The following SNX30 variants were observed in gnomAD, a reference collection of about 807,000 sequenced individuals.
SNX30 encodes the protein sorting nexin family member 30, also known as sorting nexin-30.
In SNX30, 24 loss-of-function variants were observed where a neutral mutation model predicts 46.4. That is an observed-to-expected ratio of 0.52 (90% confidence interval 0.37 to 0.73). The LOEUF (loss-of-function observed/expected upper bound fraction) is 0.73, where lower values mean the gene tolerates loss of function less well. Ranked by LOEUF, SNX30 falls within the 30% of genes least tolerant of loss-of-function variation. The pLI, the probability that SNX30 is intolerant of heterozygous loss-of-function variation, is 0.00. For synonymous variants in SNX30, 189 were observed against 211.5 expected (o/e 0.89, Z 0.92); for missense variants, 533 against 555.7 (o/e 0.96, Z 0.41).
intron 6 of SNX30, among the ~76,000 whole-genome samples, chr9:112,839,713 CCTCCTGCTT>C (rs1259265879): frequency 6.6e-6 from 1 of 152,120 alleles, no homozygotes; most frequent in African/African-American, 2.4e-5. Context: ...TAAATAGCAC[CCTCCTGCTT>C]CTCAAAGGAG....
chr9:112,838,829 G>A, intron 6 of SNX30, 132 bp downstream of exon 6: 1 of 749,244 alleles, frequency 1.3e-6, no homozygotes, highest in Non-Finnish European at 2.2e-6. Flanking sequence ...CAGACACGTG[G>A]ACTGACATCA....
rs1438217768 is a variant in SNX30, at chr9:112,838,717, G to T, written c.1014+20G>T. 1 of 1,607,888 alleles carries T rather than the reference G, an allele frequency of 6.2e-7. No individual in the cohort carries two copies. The highest frequency in any genetic ancestry group is 1.3e-5 in the African/African-American group (1 of 74,792). On this transcript the variant is annotated intron_variant, in intron 6 of 8. Transcript: ENST00000374232. ...ATGAAGGTAAGCTGGCTTGCTTCTT[G>T]TGTATTTGCATACTTTCTTTGTAAT...
At chr9:112,751,210 G>A (rs1461530304) in intron 1 of SNX30, 53 bp downstream of exon 1, 2 of 1,353,068 alleles carry the variant, frequency 1.5e-6, no homozygotes, top group South Asian at 1.8e-5. Context: ...CCCGTGGGGG[G>A]GATGATGGAT....
chr9:112,846,000 A>G (rs780492638), intron 6 of SNX30, among the ~76,000 whole-genome samples: 28 of 152,244 alleles, frequency 1.8e-4, no homozygotes, highest in Non-Finnish European at 1.9e-4. Flanking sequence ...TATCACAGCC[A>G]TAAAACAGTA....
chr9:112,786,867 T>A (rs1839938067), intron 1 of SNX30, among the ~76,000 whole-genome samples: 1 of 152,224 alleles, frequency 6.6e-6, no homozygotes, highest in African/African-American at 2.4e-5. Flanking sequence ...TGAAACTCCT[T>A]TGAGCCATTT....
At chr9:112,806,755 A>G (rs985333810) in intron 2 of SNX30, among the ~76,000 whole-genome samples, 3 of 152,012 alleles carry the variant, frequency 2.0e-5, no homozygotes, top group Admixed American at 6.5e-5. Flanking sequence ...CCTTCTTGCC[A>G]AAAGCAACCA....
chr9:112,809,114 T>C (rs1166289462), intron 2 of SNX30, among the ~76,000 whole-genome samples: 1 of 149,768 alleles, frequency 6.7e-6, no homozygotes, highest in Non-Finnish European at 1.5e-5. Flanking sequence ...TTTGACAGAG[T>C]CTTGCTCTGT....
At chr9:112,849,495 G>A (rs1588137781) in intron 6 of SNX30, among the ~76,000 whole-genome samples, 1 of 152,318 alleles carries the variant, frequency 6.6e-6, no homozygotes, top group East Asian at 1.9e-4. Context: ...GAACAGCACT[G>A]TAAATATTCC....
At chr9:112,853,332 G>A (rs922160800) in intron 7 of SNX30, among the ~76,000 whole-genome samples, 2 of 152,180 alleles carry the variant, frequency 1.3e-5, no homozygotes, top group Non-Finnish European at 1.5e-5. Context: ...CAAGGGAGGC[G>A]ACAACAGAAA....
At chr9:112,782,965 G>A (rs112223750) in intron 1 of SNX30, among the ~76,000 whole-genome samples, 85 of 152,340 alleles carry the variant, frequency 5.6e-4, no homozygotes, top group African/African-American at 1.9e-3. Context: ...AATGGTTTCT[G>A]GTACTTTGGG....
At chr9:112,791,478 C>CGCT (rs994014294) in intron 1 of SNX30, among the ~76,000 whole-genome samples, 13 of 117,646 alleles carry the variant, frequency 1.1e-4, no homozygotes, top group Non-Finnish European at 1.8e-4. Context: ...GGCGCAATTG[C>CGCT]GCTGCTCACT....
chr9:112,856,767 G>A (rs558086514), intron 7 of SNX30: 1 of 152,200 alleles, frequency 6.6e-6, no homozygotes, highest in South Asian at 2.1e-4. Flanking sequence ...CCGGAGAGTG[G>A]GGCCTCGTGT....
rs898386622 is a variant in SNX30 at position 112,872,340 on chromosome 9, T to A, written c.*3497T>A. On this transcript the variant is annotated 3_prime_UTR_variant, in exon 9 of 9. Transcript: ENST00000374232. The stretch of plus-strand genomic sequence containing the variant: ...GCCCGAGGAACATCCAGAGTTACTG[T>A]GTGACTTGGTCCTGCCATCGTTAGC... 1.3e-5 allele frequency: 2 copies of A among 152,270 alleles called. No individual in the cohort carries two copies. Among genetic ancestry groups the A allele is most frequent in the African/African-American group, 4.8e-5 (2 of 41,462 alleles). The allele number at this position is 152,270 out of a possible 1,614,324, so 9.4% of individuals were successfully genotyped here. A position where few individuals can be genotyped will look rare whatever the true frequency, so the allele number is the denominator to read the frequency against.
At chr9:112,787,173 A>C (rs1839942786) in intron 1 of SNX30, among the ~76,000 whole-genome samples, 1 of 152,182 alleles carries the variant, frequency 6.6e-6, no homozygotes, top group African/African-American at 2.4e-5. Flanking sequence ...TCAGGCCTCG[A>C]AAAGTTCCAC....
At chr9:112,839,454 G>A (rs984187416) in intron 6 of SNX30, among the ~76,000 whole-genome samples, 7 of 152,182 alleles carry the variant, frequency 4.6e-5, no homozygotes, top group African/African-American at 1.4e-4. Context: ...TCTAGCAGCG[G>A]TGAATGAGAA....
intron 4 of SNX30, among the ~76,000 whole-genome samples, chr9:112,834,882 A>ACACACACACACACACACACACACACACC (rs56385707): frequency 2.2e-4 from 23 of 105,346 alleles, no homozygotes; most frequent in African/African-American, 5.6e-4. Flanking sequence ...ACACACACAC[A>ACACACACACACACACACACACACACACC]CCTACCTCAA....
chr9:112,819,228 G>T (rs1840452549), intron 3 of SNX30, among the ~76,000 whole-genome samples: 1 of 147,390 alleles, frequency 6.8e-6, no homozygotes, highest in African/African-American at 2.5e-5. Context: ...TTAACTAAAA[G>T]TCTTTTATTC....
Position 112,762,491 on chromosome 9 carries a change from C to CGGTA in SNX30, c.156+11336_156+11339dup, listed in dbSNP as rs1564259634. On this transcript the variant is annotated intron_variant, in intron 1 of 8. Coordinates refer to ENST00000374232, the MANE Select transcript of SNX30 (RefSeq NM_001012994.2). Reference sequence around the variant, plus strand: ...AGAGAGACACATCAACAGATGGTTGCGGTAGCATGTGAAAAATGCTGCATG... The same window carrying CGGTA: ...AGAGAGACACATCAACAGATGGTTGCGGTAGGTAGCATGTGAAAAATGCTGCATG... Among the ~76,000 whole-genome samples the CGGTA allele has an allele frequency of 2.0e-5, 3 of 152,028 alleles. No homozygotes were observed. In the East Asian group the frequency reaches 5.8e-4, roughly 29 times the overall value.
At chr9:112,829,411 A>AC (rs565988116) in intron 3 of SNX30, among the ~76,000 whole-genome samples, 555 of 152,332 alleles carry the variant, frequency 3.6e-3, no homozygotes, top group Middle Eastern at 0.017. Context: ...AGTTGGGACT[A>AC]TAGGTGCAAG....
Sources: gnomAD v4.1 joint callset for allele counts (sites outside exome capture counted in the v4.1 genomes callset) on GRCh38, gnomAD v4.1.1 for gene constraint, MANE v1.5 for transcripts, NCBI Gene and HGNC (gene_info 2026-07-23, HGNC 2026-07-21) for gene names.